GFPT1: variants seen among roughly 807,000 people sequenced by gnomAD.
GFPT1 encodes the protein glutamine--fructose-6-phosphate transaminase 1.
Under a neutral mutation model 92.0 loss-of-function variants are expected in GFPT1, and 40 were observed. The ratio of observed to expected loss-of-function variants is 0.43; its 90% CI spans 0.34 to 0.57. The LOEUF (loss-of-function observed/expected upper bound fraction) is 0.57, where lower values mean the gene tolerates loss of function less well. Ranked by LOEUF, GFPT1 falls within the 20% of genes least tolerant of loss-of-function variation. The probability of loss-of-function intolerance (pLI) is 0.02; values close to 1 mark genes in which losing one functional copy is unlikely to be tolerated. For missense variants in GFPT1, 448 were observed against 869.1 expected (o/e 0.52, Z 6.09); for synonymous variants, 269 against 280.6 (o/e 0.96, Z 0.41).
At chr2:69,375,739 C>T (rs191753748) in intron 1 of GFPT1, among the ~76,000 whole-genome samples, 1 of 152,296 alleles carries the variant, frequency 6.6e-6, no homozygotes, top group East Asian at 1.9e-4. Context: ...GAGGGTAGAA[C>T]ATCTATCTTA....
At chr2:69,336,285 G>A (rs1670795008) in intron 15 of GFPT1, among the ~76,000 whole-genome samples, 1 of 144,838 alleles carries the variant, frequency 6.9e-6, no homozygotes, top group Non-Finnish European at 1.5e-5. Context: ...GTTGCAGTGA[G>A]CTGAGATCAC....
chr2:69,341,978 T>C (rs955059091), intron 13 of GFPT1, among the ~76,000 whole-genome samples, 174 bp downstream of exon 13: 1 of 152,208 alleles, frequency 6.6e-6, no homozygotes, highest in Non-Finnish European at 1.5e-5. Context: ...CTTCCATGGA[T>C]AAATAATTCC....
At chr2:69,330,228 G>C (rs1670628340) in intron 15 of GFPT1, among the ~76,000 whole-genome samples, 1 of 151,990 alleles carries the variant, frequency 6.6e-6, no homozygotes, top group Non-Finnish European at 1.5e-5. Context: ...AACTATCTTA[G>C]TAACAGTGAA....
intron 4 of GFPT1, among the ~76,000 whole-genome samples, chr2:69,359,818 TAAGA>T (rs1350235674): frequency 1.3e-5 from 2 of 152,198 alleles, no homozygotes; most frequent in East Asian, 1.9e-4. Flanking sequence ...AGGAATTTGC[TAAGA>T]AAAACCAATC....
intron 10 of GFPT1, 146 bp downstream of exon 10, chr2:69,349,932 C>T (rs1056963582): frequency 1.8e-5 from 12 of 682,328 alleles, no homozygotes; most frequent in African/African-American, 1.4e-4. Context: ...CTTACAGCCC[C>T]ATCTCCAAAA....
intron 1 of GFPT1, among the ~76,000 whole-genome samples, chr2:69,377,658 T>A (rs1262957949): frequency 4.6e-5 from 7 of 151,926 alleles, no homozygotes; most frequent in Non-Finnish European, 1.5e-5. Context: ...AGACTCCGTC[T>A]CAAAAAAACA....
At chr2:69,372,987 T>G (rs1671787289) in intron 2 of GFPT1, among the ~76,000 whole-genome samples, 1 of 152,212 alleles carries the variant, frequency 6.6e-6, no homozygotes, top group South Asian at 2.1e-4. Context: ...ACATCTGCTC[T>G]TATTTTGGGA....
chr2:69,377,240 C>CAATATTA, intron 1 of GFPT1, among the ~76,000 whole-genome samples: 1 of 147,210 alleles, frequency 6.8e-6, no homozygotes, highest in African/African-American at 2.5e-5. Flanking sequence ...TTAAGTAATG[C>CAATATTA]AATATTAAAT....
intron 6 of GFPT1, 109 bp from the exon 7 acceptor site, chr2:69,356,666 T>A: frequency 1.3e-6 from 1 of 782,546 alleles, no homozygotes; most frequent in Non-Finnish European, 2.3e-6. Flanking sequence ...CAAATGCTCT[T>A]TTGTACCAGT....
intron 2 of GFPT1, among the ~76,000 whole-genome samples, chr2:69,372,309 C>T (rs1171490876): frequency 6.6e-6 from 1 of 151,830 alleles, no homozygotes; most frequent in Non-Finnish European, 1.5e-5. Context: ...GTGGCTCACG[C>T]CTATAATCCC....
In GFPT1 at chr2:69,326,153, A is replaced by C. The variant is rs1670525972; in HGVS notation, c.*36T>G. 7.2e-7 allele frequency: 1 copy of C among 1,397,938 alleles called. No homozygotes were observed. Among genetic ancestry groups the C allele is most frequent in the Non-Finnish European group, 1.0e-6 (1 of 985,262 alleles). The allele number at this position is 1,397,938 out of a possible 1,614,324, so 86.6% of individuals were successfully genotyped here. ...ATACAAAAGGTGTCTTGTGTTGCTT[A>C]ATCATACAGTTTCGTACATTTTGTA... On this transcript the variant is annotated 3_prime_UTR_variant, in exon 20 of 20. Transcript: ENST00000357308.
At chr2:69,354,832 C>G (rs1411850782) in intron 7 of GFPT1, among the ~76,000 whole-genome samples, 2 of 152,116 alleles carry the variant, frequency 1.3e-5, no homozygotes, top group African/African-American at 4.8e-5. Flanking sequence ...CTCTGGGAAA[C>G]ATGGCAAAAC....
At chr2:69,335,222 G>C (rs1670766743) in intron 15 of GFPT1, among the ~76,000 whole-genome samples, 1 of 152,006 alleles carries the variant, frequency 6.6e-6, no homozygotes, top group Non-Finnish European at 1.5e-5. Flanking sequence ...GCCTCGGCTG[G>C]TCTTGAACTC....
At chr2:69,367,344 T>TTTGTTG (rs144120046) in intron 3 of GFPT1, among the ~76,000 whole-genome samples, 5,213 of 150,320 alleles carry the variant, frequency 0.035, 275 homozygotes, top group African/African-American at 0.12. Context: ...CAACTTATTT[T>TTTGTTG]TTGTTGTTGT....
Position 69,386,860 on chromosome 2 carries a change from G to A in GFPT1, c.7+205C>T, listed in dbSNP as rs1283788037. ...CAAAGGGGGCCCGCCTTCCTCTCAG[G>A]TGCCTTTCTCCCGGCCGCCACCCCC... On this transcript the variant is annotated intron_variant, in intron 1 of 19. Transcript: ENST00000357308. Among the ~76,000 whole-genome samples, 3 of 152,098 alleles carry A rather than the reference G, an allele frequency of 2.0e-5. No homozygotes were observed. The East Asian group carries it at 5.8e-4, about 29-fold the overall frequency.
chr2:69,373,942 T>C (rs970363226), intron 2 of GFPT1, 64 bp downstream of exon 2: 51 of 807,862 alleles, frequency 6.3e-5, no homozygotes, highest in Non-Finnish European at 8.7e-5. Flanking sequence ...AGTCTCCTAA[T>C]AACAATAAAA....
chr2:69,335,013 A>AT (rs1340028528), intron 15 of GFPT1, among the ~76,000 whole-genome samples: 239 of 148,562 alleles, frequency 1.6e-3, no homozygotes, highest in African/African-American at 5.2e-3. Flanking sequence ...TAAAATTTTT[A>AT]TTTTTTTTTT....
At chr2:69,345,768 G>T in intron 12 of GFPT1, 136 bp downstream of exon 12, 1 of 642,522 alleles carries the variant, frequency 1.6e-6, no homozygotes. Flanking sequence ...CTTTTTCCAA[G>T]ATGGCTGGGC....
In GFPT1 at chr2:69,348,156, G is replaced by A. The variant is rs1215310952; in HGVS notation, c.1009+15C>T. 2.5e-6 allele frequency: 4 copies of A among 1,603,262 alleles called. No individual in the cohort carries two copies. The highest frequency in any genetic ancestry group is 3.4e-6 in the Non-Finnish European group (4 of 1,170,186). The stretch of plus-strand genomic sequence containing the variant: ...CAGTAAGGACAGCAAGCTATAACAT[G>A]ACAAAAACTTTCACCCTTCATGATC... On this transcript the variant is annotated intron_variant, in intron 11 of 19. Transcript: ENST00000357308.
Sources: allele counts gnomAD v4.1 joint callset (sites outside exome capture counted in the v4.1 genomes callset), GRCh38; gene constraint gnomAD v4.1.1; transcripts MANE v1.5; gene names NCBI Gene and HGNC (gene_info 2026-07-23, HGNC 2026-07-21).